Variants in DYNC2H1 observed in about 807,000 individuals in gnomAD.
The protein encoded by DYNC2H1 is cytoplasmic dynein 2 heavy chain 1.
In DYNC2H1, 410 loss-of-function variants were observed where a neutral mutation model predicts 570.0. That is an observed-to-expected ratio of 0.72 (90% CI 0.66 to 0.78). DYNC2H1 has a LOEUF of 0.78. Ranked by LOEUF, DYNC2H1 falls within the 30% of genes least tolerant of loss-of-function variation. The probability of loss-of-function intolerance (pLI) is 0.00; values close to 1 mark genes in which losing one functional copy is unlikely to be tolerated. For missense variants in DYNC2H1, 4,865 were observed against 5,046.4 expected (o/e 0.96, Z 1.09); for synonymous variants, 1,688 against 1,677.6 (o/e 1.01, Z -0.15).
At chr11:103,416,051 C>G (rs921196963) in intron 84 of DYNC2H1, among the ~76,000 whole-genome samples, 2 of 152,122 alleles carry the variant, frequency 1.3e-5, no homozygotes, top group Non-Finnish European at 2.9e-5. Context: ...ATCACAAGGA[C>G]AGAAAACCAA....
At chr11:103,348,642 A>G (rs1939882916) in intron 82 of DYNC2H1, among the ~76,000 whole-genome samples, 1 of 152,100 alleles carries the variant, frequency 6.6e-6, no homozygotes, top group Admixed American at 6.6e-5. Context: ...TTTCCTTTTT[A>G]TTGCTAAATA....
chr11:103,330,862 T>C (rs1348924608), intron 82 of DYNC2H1, among the ~76,000 whole-genome samples: 2 of 152,104 alleles, frequency 1.3e-5, no homozygotes, highest in South Asian at 2.1e-4. Context: ...ATTTCATACA[T>C]TGGAATATTA....
At chr11:103,210,685 C>T (rs1863123038) in intron 53 of DYNC2H1, among the ~76,000 whole-genome samples, 1 of 152,036 alleles carries the variant, frequency 6.6e-6, no homozygotes, top group Non-Finnish European at 1.5e-5. Context: ...CCCAGACGGG[C>T]AGCTTGAGAA....
At chr11:103,384,557 T>C (rs1350420759) in intron 83 of DYNC2H1, among the ~76,000 whole-genome samples, 1 of 152,166 alleles carries the variant, frequency 6.6e-6, no homozygotes, top group Non-Finnish European at 1.5e-5. Flanking sequence ...TGTTTCTTTT[T>C]CCTAGTTTAC....
rs539456541 is a variant in DYNC2H1 at position 103,143,325 on chromosome 11, A to G, written c.2632A>G (p.Thr878Ala). Residue 878 changes from threonine (T) to alanine (A), a missense_variant, in exon 18 of 89, where the codon ACT (threonine) becomes GCT (alanine). Physicochemically the swap from Thr to Ala is moderately conservative, Grantham distance 58. This residue lies in a region of DYNC2H1 where 1,936 missense variants were observed against 1,962.1 expected (regional missense o/e 0.99). Coordinates refer to ENST00000375735, the MANE Select transcript of DYNC2H1 (RefSeq NM_001377.3). ...MEALVEKHLFTVHDWEKNFKA... is the reference protein window; with the variant it reads ...MEALVEKHLFAVHDWEKNFKA... ...AGCTCTGGTGGAAAAGCATCTTTTTACTGTACATGATTGGGAGAAAAATTT... is the reference window on the plus strand; with the variant it reads ...AGCTCTGGTGGAAAAGCATCTTTTTGCTGTACATGATTGGGAGAAAAATTT... 69 of 1,613,580 alleles carry G rather than the reference A, an allele frequency of 4.3e-5. No homozygotes were observed. The South Asian group carries it at 7.4e-4, about 17-fold the overall frequency.
intron 17 of DYNC2H1, 41 bp downstream of exon 17, chr11:103,135,989 A>T (rs1341673472): frequency 1.4e-6 from 2 of 1,433,420 alleles, no homozygotes; most frequent in Non-Finnish European, 1.9e-6. Context: ...TCATAAAATT[A>T]TTTCTGATTG....
chr11:103,255,554 G>C lies in DYNC2H1; in HGVS notation c.10326+20G>C. On this transcript the variant is annotated intron_variant, in intron 67 of 88. Coordinates refer to ENST00000375735, the MANE Select transcript of DYNC2H1 (RefSeq NM_001377.3). ...CTAGAGGTAAAAGTCTAGCTATTTA[G>C]GTTACTTTTTTCGTATTACTTTTTT... is the stretch of plus-strand genomic sequence containing the variant. The C allele has an allele frequency of 6.6e-7, 1 of 1,506,556 alleles. No individual in the cohort carries two copies. Among genetic ancestry groups the C allele is most frequent in the Admixed American group, 2.5e-5 (1 of 39,498 alleles). The allele number at this position is 1,506,556 out of a possible 1,614,324, so 93.3% of individuals were successfully genotyped here. A position where few individuals can be genotyped will look rare whatever the true frequency, so the allele number is the denominator to read the frequency against.
At position 103,244,733 on chromosome 11, in the gene DYNC2H1, A is replaced by G; in HGVS notation, c.9919-518A>G. 6.7e-6 allele frequency among the ~76,000 whole-genome samples: 1 copy of G among 148,280 alleles called. No individual in the cohort carries two copies. The highest frequency in any genetic ancestry group is 1.9e-4 in the East Asian group (1 of 5,154). On this transcript the variant is annotated intron_variant, in intron 64 of 88. Coordinates refer to ENST00000375735, the MANE Select transcript of DYNC2H1 (RefSeq NM_001377.3). The surrounding 1 kb of genome is among the most constrained non-coding windows in gnomAD (Gnocchi z 4.3). Reference sequence around the variant, plus strand: ...ATACTATATATCTTATATACATATAAGTATATAAATATACTATATATATCT... The same window carrying G: ...ATACTATATATCTTATATACATATAGGTATATAAATATACTATATATATCT...
intron 84 of DYNC2H1, among the ~76,000 whole-genome samples, chr11:103,419,283 G>T (rs751421916): frequency 2.0e-5 from 3 of 152,214 alleles, no homozygotes; most frequent in Non-Finnish European, 4.4e-5. Context: ...CTACAAAAAT[G>T]AGCCAGACTG....
Position 103,181,871 on chromosome 11 carries a change from A to G in DYNC2H1, c.6462A>G (p.Gln2154=), listed in dbSNP as rs767549753. 2 of 1,605,688 alleles carry G rather than the reference A, an allele frequency of 1.2e-6. No homozygotes were observed. The highest frequency in any genetic ancestry group is 1.7e-6 in the Non-Finnish European group (2 of 1,175,116). ...WIGDYFEKAL[Q]WVLKQNDYVV... ...GAGATTATTTTGAAAAGGCTTTACAATGGGTTCTAAAGCAGGTAAATTAAC... is the reference window on the plus strand; with the variant it reads ...GAGATTATTTTGAAAAGGCTTTACAGTGGGTTCTAAAGCAGGTAAATTAAC... Residue 2154 remains glutamine, a synonymous_variant, in exon 40 of 89, where the codon CAA becomes CAG. Coordinates refer to ENST00000375735, the MANE Select transcript of DYNC2H1 (RefSeq NM_001377.3). This position sits in a 1 kb window ranked among gnomAD's most constrained non-coding sequence, Gnocchi z 5.0.
chr11:103,439,860 C>T lies in DYNC2H1; in HGVS notation c.12456+3828C>T, dbSNP rs1033067279. ...CTCTTTGGGGAACTTAGAATTATTT[C>T]CCTGGCTTCAAATTTTTCTGTCTTT... is the stretch of plus-strand genomic sequence containing the variant. On this transcript the variant is annotated intron_variant, in intron 85 of 88. Transcript: ENST00000375735. This position sits in a 1 kb window ranked among gnomAD's most constrained non-coding sequence, Gnocchi z 4.1. Among the ~76,000 whole-genome samples, 5 of 152,132 alleles carry T rather than the reference C, an allele frequency of 3.3e-5. No individual in the cohort carries two copies. The highest frequency in any genetic ancestry group is 7.4e-5 in the Non-Finnish European group (5 of 68,020).
At chr11:103,372,429 T>TTTTTTGTC (rs982978392) in intron 83 of DYNC2H1, among the ~76,000 whole-genome samples, 2 of 152,176 alleles carry the variant, frequency 1.3e-5, no homozygotes, top group Admixed American at 1.3e-4. Flanking sequence ...TGTTGATAGT[T>TTTTTTGTC]TTTTTGTCAG....
At chr11:103,158,292 C>T (rs1273203439) in intron 26 of DYNC2H1, among the ~76,000 whole-genome samples, 2 of 151,932 alleles carry the variant, frequency 1.3e-5, no homozygotes, top group African/African-American at 4.8e-5. Flanking sequence ...CTAAAATATA[C>T]AAAAAAATTA....
At position 103,289,077 on chromosome 11, in the gene DYNC2H1, A is replaced by G. The variant is rs957279435; in HGVS notation, c.11095+1472A>G. 2.6e-5 allele frequency among the ~76,000 whole-genome samples: 4 copies of G among 152,022 alleles called. No individual in the cohort carries two copies. The highest frequency in any genetic ancestry group is 6.6e-5 in the Admixed American group (1 of 15,244). On this transcript the variant is annotated intron_variant, in intron 75 of 88. Transcript: ENST00000375735. The surrounding 1 kb of genome is among the most constrained non-coding windows in gnomAD (Gnocchi z 4.2). ...CCTAGTCCGGTAATCTGGCTCAACC[A>G]ATTCTGTGATCCCACCCAGGAATAG...
intron 59 of DYNC2H1, among the ~76,000 whole-genome samples, chr11:103,224,461 C>G (rs1268648513): frequency 6.6e-6 from 1 of 152,186 alleles, no homozygotes; most frequent in Non-Finnish European, 1.5e-5. Context: ...CCTTTGCGTC[C>G]TTATAGCTTA....
chr11:103,281,770 C>T (rs978523861), intron 71 of DYNC2H1, among the ~76,000 whole-genome samples: 10 of 150,822 alleles, frequency 6.6e-5, no homozygotes, highest in Admixed American at 2.0e-4. Flanking sequence ...GAAAAAAATG[C>T]GTTAATGGAA....
chr11:103,413,869 G>A (rs935780111), intron 84 of DYNC2H1, among the ~76,000 whole-genome samples: 2 of 152,136 alleles, frequency 1.3e-5, no homozygotes, highest in Admixed American at 6.5e-5. Flanking sequence ...ATCATCCCAA[G>A]TTAATAGAAT....
At chr11:103,378,952 A>G (rs547844629) in intron 83 of DYNC2H1, among the ~76,000 whole-genome samples, 2 of 152,162 alleles carry the variant, frequency 1.3e-5, no homozygotes, top group Admixed American at 6.6e-5. Flanking sequence ...GTTTAAGTGT[A>G]TGTTTTTTTG....
Position 103,163,176 on chromosome 11 carries a change from T to A in DYNC2H1, c.4611+29T>A. On this transcript the variant is annotated intron_variant, in intron 30 of 88. Transcript: ENST00000375735. This position sits in a 1 kb window ranked among gnomAD's most constrained non-coding sequence, Gnocchi z 4.6. Reference sequence around the variant, plus strand: ...AGGGGGCTTACGTGTAGAAGCTACATAGGCATGGAACGTGGAAAGATCCCT... The same window carrying A: ...AGGGGGCTTACGTGTAGAAGCTACAAAGGCATGGAACGTGGAAAGATCCCT... 1 of 1,596,082 alleles carries A rather than the reference T, an allele frequency of 6.3e-7. No individual in the cohort carries two copies. The highest frequency in any genetic ancestry group is 8.5e-7 in the Non-Finnish European group (1 of 1,171,548).
Sources: gnomAD v4.1 joint callset for allele counts (sites outside exome capture counted in the v4.1 genomes callset) on GRCh38, gnomAD v4.1.1 for gene constraint, gnomAD v4.1.1 regional missense constraint, Gnocchi (gnomAD v3.1) non-coding constraint, MANE v1.5 for transcripts, NCBI Gene and HGNC (gene_info 2026-07-23, HGNC 2026-07-21) for gene names.